Variants in VARS2 observed in about 807,000 individuals in gnomAD.
VARS2 encodes valyl-tRNA synthetase 2, mitochondrial.
Under a neutral mutation model 154.1 loss-of-function variants are expected in VARS2, and 105 were observed. The ratio of observed to expected loss-of-function variants is 0.68; its 90% confidence interval spans 0.58 to 0.80. VARS2 has a LOEUF of 0.80. Among genes scored for constraint, VARS2 ranks in the 30% least tolerant of loss-of-function variants. The probability of loss-of-function intolerance (pLI) is 0.00; values close to 1 mark genes in which losing one functional copy is unlikely to be tolerated. For synonymous variants in VARS2, 483 were observed against 539.5 expected, an observed-to-expected ratio of 0.90 and a Z score of 1.45; for missense variants, 1,157 against 1,361.4, an observed-to-expected ratio of 0.85 and a Z score of 2.36.
intron 4 of VARS2, 48 bp from the exon 5 acceptor site, chr6:30,915,698 C>T (rs769911610): frequency 1.4e-4 from 227 of 1,607,052 alleles, no homozygotes; most frequent in Non-Finnish European, 1.9e-4. Flanking sequence ...GGTGCTCTTT[C>T]CCCAATCCAA....
intron 1 of VARS2, 182 bp downstream of exon 1, chr6:30,914,526 C>T: frequency 7.5e-7 from 1 of 1,338,842 alleles, no homozygotes; most frequent in Non-Finnish European, 9.6e-7. Context: ...CGCGCTGATG[C>T]CCATCATCTC....
rs1193606286 is a variant in VARS2, at chr6:30,920,528, C to T, written c.1397+92C>T. 6.6e-6 allele frequency: 9 copies of T among 1,373,970 alleles called. No homozygotes were observed. The highest frequency in any genetic ancestry group is 2.4e-5 in the East Asian group (1 of 41,030). 85.1% of individuals were successfully genotyped at this position (1,373,970 alleles called of 1,614,324 possible). A position where few individuals can be genotyped will look rare whatever the true frequency, so the allele number is the denominator to read the frequency against. On this transcript the variant is annotated intron_variant, in intron 14 of 29. Transcript: ENST00000676266. The surrounding 1 kb of genome is among the most constrained non-coding windows in gnomAD (Gnocchi z 4.6). ...CAATAGGATGGGCTCTGCACCCCTC[C>T]GTTAGAATACGAGCTCCGTGTCGGT...
At position 30,917,372 on chromosome 6, in the gene VARS2, C is replaced by G. The variant is rs895104196; in HGVS notation, c.873+148C>G. The stretch of plus-strand genomic sequence containing the variant: ...TGTGGCTTTTGGCAGGCCGTTTAGT[C>G]TCTTTAAGCCTCAGCTTCCTCAGTC... On this transcript the variant is annotated intron_variant, in intron 9 of 29. Coordinates refer to ENST00000676266, the MANE Select transcript of VARS2 (RefSeq NM_020442.6). This position sits in a 1 kb window ranked among gnomAD's most constrained non-coding sequence, Gnocchi z 4.4. The G allele has an allele frequency of 3.2e-5, 38 of 1,197,038 alleles. No homozygotes were observed. Among genetic ancestry groups the G allele is most frequent in the Non-Finnish European group, 4.4e-5 (37 of 838,268 alleles). The allele number at this position is 1,197,038 out of a possible 1,614,324, so 74.2% of individuals were successfully genotyped here.
At chr6:30,922,639 G>T (rs1156778616) in intron 21 of VARS2, 67 bp from the exon 22 acceptor site, 2 of 1,574,192 alleles carry the variant, frequency 1.3e-6, no homozygotes, top group African/African-American at 1.3e-5. Context: ...AGTGAGGCCA[G>T]CAGGTGTGAC....
At position 30,925,634 on chromosome 6, in the gene VARS2, G is replaced by C. The variant is rs1370132003; in HGVS notation, c.2876G>C (p.Gly959Ala). Residue 959 changes from glycine (G) to alanine (A), a missense_variant, in exon 28 of 30, where the codon GGC (glycine) becomes GCC (alanine). Gly to Ala is a moderately conservative substitution (Grantham distance 60). Transcript: ENST00000676266. ...ACCCTGGGCTACTGTGGGGCTGTGG[G>C]CCTGTTACCCCCAGGCGCAGCAGCT... Reference protein sequence around the residue: ...LGTLGYCGAVGLLPPGAAAPS... With the variant: ...LGTLGYCGAVALLPPGAAAPS... 6.2e-7 allele frequency: 1 copy of C among 1,611,018 alleles called. No homozygotes were observed. The highest frequency in any genetic ancestry group is 2.2e-5 in the East Asian group (1 of 44,888).
At chr6:30,922,817 C>T in intron 22 of VARS2, 43 bp downstream of exon 22, 1 of 1,584,780 alleles carries the variant, frequency 6.3e-7, no homozygotes, top group Non-Finnish European at 8.6e-7. Context: ...TAGCTCACCA[C>T]CTCTGGCTTC....
intron 10 of VARS2, among the ~76,000 whole-genome samples, chr6:30,918,403 C>T (rs1240430228): frequency 6.6e-6 from 1 of 152,142 alleles, no homozygotes; most frequent in Non-Finnish European, 1.5e-5. Context: ...TTCTGAAGAG[C>T]TCAGAGAAAG....
rs1457314412 is a variant in VARS2 at position 30,916,478 on chromosome 6, A to ATATT, written c.671+230_671+231insATTT. ...CGTGTGTGTGTGTGTGTGTGTGTGT[A>ATATT]TTTATATATATATATATATTTTCTT... is the stretch of plus-strand genomic sequence containing the variant. On this transcript the variant is annotated intron_variant, in intron 7 of 29. Coordinates refer to ENST00000676266, the MANE Select transcript of VARS2 (RefSeq NM_020442.6). The surrounding 1 kb of genome is among the most constrained non-coding windows in gnomAD (Gnocchi z 4.0). 2.5e-5 allele frequency: 8 copies of ATATT among 317,910 alleles called. No homozygotes were observed. The highest frequency in any genetic ancestry group is 1.3e-4 in the African/African-American group (5 of 37,908). The allele number at this position is 317,910 out of a possible 1,614,324, so 19.7% of individuals were successfully genotyped here. A position where few individuals can be genotyped will look rare whatever the true frequency, so the allele number is the denominator to read the frequency against.
rs1794565758 is a variant in VARS2, at chr6:30,922,232, C to T, written c.1923C>T (p.Pro641=). The part of the protein sequence containing the change: ...MLGTQLTGQL[P]FSKVLLHPMV... ...GGACCCAGCTCACAGGGCAGCTGCC[C>T]TTCAGCAAGGTAAGAGCCCTTCAGT... is the stretch of plus-strand genomic sequence containing the variant. The change falls in exon 20 of 30, where the codon CCC becomes CCT. Residue 641 remains proline (P), a synonymous_variant. Coordinates refer to ENST00000676266, the MANE Select transcript of VARS2 (RefSeq NM_020442.6). 6.2e-7 allele frequency: 1 copy of T among 1,611,570 alleles called. No homozygotes were observed. Among genetic ancestry groups the T allele is most frequent in the Non-Finnish European group, 8.5e-7 (1 of 1,179,376 alleles).
Position 30,925,343 on chromosome 6 carries a change from G to A in VARS2, c.2743G>A (p.Ala915Thr). The stretch of plus-strand genomic sequence containing the variant: ...CCAAGAGGTCGTGCAGGTGCTAAGG[G>A]CTCTCCGAGCCACGTACCAGCTCAC... ...RVQEVVQVLR[A>T]LRATYQLTKA... The change falls in exon 27 of 30, where the codon GCT (alanine) becomes ACT (threonine). Residue 915 changes from alanine to threonine, a missense_variant. By Grantham distance (58) the Ala-to-Thr change is moderately conservative. Coordinates refer to ENST00000676266, the MANE Select transcript of VARS2 (RefSeq NM_020442.6). 1.2e-6 allele frequency: 2 copies of A among 1,612,374 alleles called. No homozygotes were observed. Among genetic ancestry groups the A allele is most frequent in the East Asian group, 2.2e-5 (1 of 44,852 alleles).
Position 30,921,460 on chromosome 6 carries a change from G to T in VARS2, c.1633-129G>T. ...TGCGCGATCAAGGCTCCCTGAAGTGGCATTTCTTTATCTCACCCCTGGGGG... is the reference window on the plus strand; with the variant it reads ...TGCGCGATCAAGGCTCCCTGAAGTGTCATTTCTTTATCTCACCCCTGGGGG... On this transcript the variant is annotated intron_variant, in intron 17 of 29. Transcript: ENST00000676266. The surrounding 1 kb of genome is among the most constrained non-coding windows in gnomAD (Gnocchi z 4.6). The T allele has an allele frequency of 7.1e-7, 1 of 1,410,146 alleles. No homozygotes were observed. Among genetic ancestry groups the T allele is most frequent in the South Asian group, 1.2e-5 (1 of 81,562 alleles). The allele number at this position is 1,410,146 out of a possible 1,614,324, so 87.4% of individuals were successfully genotyped here.
At position 30,920,786 on chromosome 6, in the gene VARS2, T is replaced by C. The variant is rs1794462116; in HGVS notation, c.1479+37T>C. ...GTGTAGGAAGGACTGGGGCCAGGGG[T>C]TGGGGGAGCTCCCTGAGAATTGGAA... On this transcript the variant is annotated intron_variant, in intron 15 of 29. Transcript: ENST00000676266. The surrounding 1 kb of genome is among the most constrained non-coding windows in gnomAD (Gnocchi z 4.6). 2.0e-6 allele frequency: 3 copies of C among 1,488,200 alleles called. No individual in the cohort carries two copies. The highest frequency in any genetic ancestry group is 2.4e-5 in the Admixed American group (1 of 42,410). The allele number at this position is 1,488,200 out of a possible 1,614,324, so 92.2% of individuals were successfully genotyped here.
intron 21 of VARS2, 75 bp from the exon 22 acceptor site, chr6:30,922,631 T>G: frequency 6.4e-7 from 1 of 1,566,382 alleles, no homozygotes; most frequent in Non-Finnish European, 8.7e-7. Flanking sequence ...GAGGGAGGAG[T>G]GAGGCCAGCA....
Position 30,920,696 on chromosome 6 carries a change from C to A in VARS2, c.1426C>A (p.Leu476Met). The A allele has an allele frequency of 6.2e-7, 1 of 1,601,350 alleles. No homozygotes were observed. Among genetic ancestry groups the A allele is most frequent in the Non-Finnish European group, 8.5e-7 (1 of 1,174,356 alleles). Residue 476 changes from leucine (L) to methionine (M), a missense_variant, in exon 15 of 30, where the codon CTG becomes ATG. By Grantham distance (15) the Leu-to-Met change is conservative (BLOSUM62 2). Transcript: ENST00000676266. This position sits in a 1 kb window ranked among gnomAD's most constrained non-coding sequence, Gnocchi z 4.6. ...SRSGDVIEYL[L>M]KNQWFVRCQE... is the part of the protein sequence containing the mutation. ...TTCTGGGGATGTGATAGAATACCTG[C>A]TGAAGAACCAGTGGTTTGTCCGCTG...
chr6:30,914,335 G>A lies in VARS2; in HGVS notation c.-37G>A. The A allele has an allele frequency of 1.6e-6, 2 of 1,215,196 alleles. No individual in the cohort carries two copies. The highest frequency in any genetic ancestry group is 1.0e-6 in the Non-Finnish European group (1 of 968,240). The allele number at this position is 1,215,196 out of a possible 1,614,324, so 75.3% of individuals were successfully genotyped here. A position where few individuals can be genotyped will look rare whatever the true frequency, so the allele number is the denominator to read the frequency against. On this transcript the variant is annotated 5_prime_UTR_variant, in exon 1 of 30. Coordinates refer to ENST00000676266, the MANE Select transcript of VARS2 (RefSeq NM_020442.6). ...CGCGGGGCGCCCTGGGATAGCGGCG[G>A]GGCCTCCTGGTGAGCGCGCGCCGGG...
chr6:30,922,728 G>T lies in VARS2; in HGVS notation c.2060G>T (p.Ser687Ile). Reference sequence around the variant, plus strand: ...CAGGTGCTGCAGGAAAAGCTGAGAAGCGGAAATTTGGACCCTGCAGAGCTG... The same window carrying T: ...CAGGTGCTGCAGGAAAAGCTGAGAATCGGAAATTTGGACCCTGCAGAGCTG... ...EMQVLQEKLR[S>I]GNLDPAELAI... Residue 687 changes from serine (S) to isoleucine (I), a missense_variant, in exon 22 of 30, where the codon AGC becomes ATC. Physicochemically the swap from Ser to Ile is moderately radical, Grantham distance 142 (BLOSUM62 -2). Transcript: ENST00000676266. 1 of 1,612,764 alleles carries T rather than the reference G, an allele frequency of 6.2e-7. No individual in the cohort carries two copies. The highest frequency in any genetic ancestry group is 8.5e-7 in the Non-Finnish European group (1 of 1,179,888).
At chr6:30,918,987 G>C (rs779340983) in intron 11 of VARS2, 72 bp downstream of exon 11, 5 of 1,413,472 alleles carry the variant, frequency 3.5e-6, no homozygotes, top group Non-Finnish European at 5.0e-6. Context: ...GTTTTAAATG[G>C]TGGCTCTTTC....
Position 30,922,750 on chromosome 6 carries a change from G to T in VARS2, c.2082G>T (p.Glu694Asp). 1 of 1,612,464 alleles carries T rather than the reference G, an allele frequency of 6.2e-7. No homozygotes were observed. The highest frequency in any genetic ancestry group is 1.1e-5 in the South Asian group (1 of 90,982). The change falls in exon 22 of 30, where the codon GAG (glutamate) becomes GAT (aspartate). Residue 694 changes from glutamate to aspartate, a missense_variant. Coordinates refer to ENST00000676266, the MANE Select transcript of VARS2 (RefSeq NM_020442.6). Reference sequence around the variant, plus strand: ...GAAGCGGAAATTTGGACCCTGCAGAGCTGGCCATTGTGGCTGCAGCACAGG... The same window carrying T: ...GAAGCGGAAATTTGGACCCTGCAGATCTGGCCATTGTGGCTGCAGCACAGG... The part of the protein sequence containing the change: ...KLRSGNLDPA[E>D]LAIVAAAQKK...
Position 30,922,124 on chromosome 6 carries a change from C to A in VARS2, c.1815C>A (p.Asp605Glu). 6.2e-7 allele frequency: 1 copy of A among 1,612,752 alleles called. No individual in the cohort carries two copies. The highest frequency in any genetic ancestry group is 8.5e-7 in the Non-Finnish European group (1 of 1,179,892). The change falls in exon 20 of 30, where the codon GAC (aspartate) becomes GAA (glutamate). Residue 605 changes from aspartate to glutamate, a missense_variant. Transcript: ENST00000676266. ...GCTCCTCTTCCCCCTAGACCCCAGACCTTGCTCGTTTCTACCCCCTGTCAC... is the reference window on the plus strand; with the variant it reads ...GCTCCTCTTCCCCCTAGACCCCAGAACTTGCTCGTTTCTACCCCCTGTCAC... The part of the protein sequence containing the change: ...SALGWPQETP[D>E]LARFYPLSLL...
Sources: gnomAD v4.1 joint callset for allele counts (sites outside exome capture counted in the v4.1 genomes callset) on GRCh38, gnomAD v4.1.1 for gene constraint, Gnocchi (gnomAD v3.1) non-coding constraint, MANE v1.5 for transcripts, NCBI Gene and HGNC (gene_info 2026-07-23, HGNC 2026-07-21) for gene names.